The following USP40 variants were observed in gnomAD, a reference collection of about 807,000 sequenced individuals.
USP40 encodes the protein ubiquitin carboxyl-terminal hydrolase 40.
Under a neutral mutation model 166.2 loss-of-function variants are expected in USP40, and 143 were observed. That is an observed-to-expected ratio of 0.86 (90% CI 0.75 to 0.99). USP40 has a LOEUF of 0.99. USP40 is among the 50% of genes least tolerant of loss of function. USP40 has a pLI of 0.00. For synonymous variants in USP40, 498 were observed against 524.0 expected (o/e 0.95, Z 0.68); for missense variants, 1,444 against 1,479.7 (o/e 0.98, Z 0.40).
At chr2:233,552,982 T>C (rs962006809) in intron 6 of USP40, among the ~76,000 whole-genome samples, 19 of 152,164 alleles carry the variant, frequency 1.2e-4, no homozygotes, top group African/African-American at 4.3e-4. Flanking sequence ...ATGATGTTTA[T>C]GAAAAGCTCA....
intron 8 of USP40, among the ~76,000 whole-genome samples, chr2:233,543,923 C>G (rs1559272833): frequency 6.6e-6 from 1 of 152,188 alleles, no homozygotes; most frequent in Non-Finnish European, 1.5e-5. Flanking sequence ...AGTCGAGGGA[C>G]TGGTCTTTCA....
In USP40 at chr2:233,476,939, G is replaced by A. The variant is rs13408490; in HGVS notation, c.*453C>T. ...TTCTGCTCAGCACCAGCGCGGTGGC[G>A]CAGTGGCCTGAGACACTGTGAGAAG... On this transcript the variant is annotated 3_prime_UTR_variant, in exon 32 of 32. Transcript: ENST00000678225. 6,371 of 269,880 alleles carry A rather than the reference G, an allele frequency of 0.024. 127 individuals carry two copies. Among genetic ancestry groups the A allele is most frequent in the Middle Eastern group, 0.044 (32 of 728 alleles). 16.7% of individuals were successfully genotyped at this position (269,880 alleles called of 1,614,324 possible).
intron 1 of USP40, 167 bp from the exon 2 acceptor site, chr2:233,565,740 C>T (rs1184061720): frequency 2.7e-5 from 17 of 620,666 alleles, no homozygotes; most frequent in Non-Finnish European, 4.1e-5. Flanking sequence ...TTTTTTTCAT[C>T]CCTATCAGGA....
intron 21 of USP40, among the ~76,000 whole-genome samples, chr2:233,503,971 G>C (rs2066246927): frequency 6.6e-6 from 1 of 152,090 alleles, no homozygotes; most frequent in Non-Finnish European, 1.5e-5. Flanking sequence ...ACTATTAGTG[G>C]CTAAGGACAC....
intron 21 of USP40, among the ~76,000 whole-genome samples, chr2:233,509,291 C>T (rs1187516042): frequency 1.3e-5 from 2 of 151,966 alleles, no homozygotes; most frequent in African/African-American, 4.8e-5. Flanking sequence ...CTCTGTTTTC[C>T]AATACTAAAG....
rs1379266337 is a variant in USP40, at chr2:233,529,629, G to C, written c.1472-117C>G. On this transcript the variant is annotated intron_variant, in intron 11 of 31. Transcript: ENST00000678225. The stretch of plus-strand genomic sequence containing the variant: ...GAGCTAGGAAAGCTGCTACTAATTA[G>C]CTGTGTGAATACGAATTTTCTCAGG... 9 of 594,604 alleles carry C rather than the reference G, an allele frequency of 1.5e-5. No individual in the cohort carries two copies. In the Admixed American group the frequency reaches 3.1e-4, roughly 21 times the overall value. The allele number at this position is 594,604 out of a possible 1,614,324, so 36.8% of individuals were successfully genotyped here. A position where few individuals can be genotyped will look rare whatever the true frequency, so the allele number is the denominator to read the frequency against.
At chr2:233,495,288 A>G (rs1196601761) in intron 24 of USP40, among the ~76,000 whole-genome samples, 3 of 151,880 alleles carry the variant, frequency 2.0e-5, no homozygotes. Flanking sequence ...TATATATGCT[A>G]TGTATATACA....
Position 233,493,953 on chromosome 2 carries a change from A to G in USP40, c.2791-402T>C, listed in dbSNP as rs2065503401. The stretch of plus-strand genomic sequence containing the variant: ...CCCATTGATCTAATGGGTTTCTGAT[A>G]CAAACTAAAGGAAATAAACCCATTG... On this transcript the variant is annotated intron_variant, in intron 24 of 31. Coordinates refer to ENST00000678225, the MANE Select transcript of USP40 (RefSeq NM_001365479.2). This position sits in a 1 kb window ranked among gnomAD's most constrained non-coding sequence, Gnocchi z 4.7. 1.3e-5 allele frequency among the ~76,000 whole-genome samples: 2 copies of G among 152,330 alleles called. No individual in the cohort carries two copies. The highest frequency in any genetic ancestry group is 3.4e-3 in the Middle Eastern group (1 of 294).
chr2:233,489,654 A>C (rs886951230), intron 26 of USP40, 171 bp from the exon 27 acceptor site: 2 of 611,412 alleles, frequency 3.3e-6, no homozygotes, highest in Non-Finnish European at 5.7e-6. Flanking sequence ...CTCTTAAATA[A>C]CACTAACCCT....
At chr2:233,502,185 T>C (rs142992545) in intron 21 of USP40, among the ~76,000 whole-genome samples, 113 of 152,258 alleles carry the variant, frequency 7.4e-4, no homozygotes, top group Admixed American at 5.5e-3. Context: ...GAAAGGAAGA[T>C]ACATCACTTT....
At chr2:233,557,759 G>A (rs1436068331) in intron 4 of USP40, among the ~76,000 whole-genome samples, 1 of 152,080 alleles carries the variant, frequency 6.6e-6, no homozygotes, top group Non-Finnish European at 1.5e-5. Context: ...CTTGGCACAG[G>A]GATGTCACTG....
chr2:233,481,288 T>C lies in USP40; in HGVS notation c.3514A>G (p.Ile1172Val), dbSNP rs776418664. 2.5e-6 allele frequency: 4 copies of C among 1,598,896 alleles called. No homozygotes were observed. In the South Asian group the frequency reaches 3.4e-5, roughly 14 times the overall value. ...GTACTGAAATCATCATCGTCGTCAA[T>C]CAGGAGATTCTACATTTCAAAAGAA... The part of the protein sequence containing the change: ...GDTIGVKNLL[I>V]DDDDDFSTIR... Residue 1172 changes from isoleucine to valine, a missense_variant, in exon 31 of 32, where the codon ATT becomes GTT. Physicochemically the swap from Ile to Val is conservative, Grantham distance 29. Transcript: ENST00000678225.
intron 6 of USP40, among the ~76,000 whole-genome samples, chr2:233,553,812 G>T (rs1426232728): frequency 6.8e-6 from 1 of 147,672 alleles, no homozygotes; most frequent in African/African-American, 2.4e-5. Context: ...CTCTCACATG[G>T]CAAAAGATAT....
intron 18 of USP40, among the ~76,000 whole-genome samples, chr2:233,513,980 T>C (rs2067005302): frequency 6.6e-6 from 1 of 152,202 alleles, no homozygotes; most frequent in Non-Finnish European, 1.5e-5. Flanking sequence ...TGTATTACAG[T>C]AATATGAGGC....
rs914123204 is a variant in USP40 at position 233,486,409 on chromosome 2, G to T, written c.3198-432C>A. ...TGTAAATGTGAGCTGCCATGAGGTA[G>T]CCAGGGAGAAGAACCTGAGGGTTGG... On this transcript the variant is annotated intron_variant, in intron 28 of 31. Coordinates refer to ENST00000678225, the MANE Select transcript of USP40 (RefSeq NM_001365479.2). This position sits in a 1 kb window ranked among gnomAD's most constrained non-coding sequence, Gnocchi z 4.0. Among the ~76,000 whole-genome samples the T allele has an allele frequency of 2.0e-5, 3 of 152,164 alleles. No individual in the cohort carries two copies. The highest frequency in any genetic ancestry group is 4.4e-5 in the Non-Finnish European group (3 of 68,022).
At chr2:233,495,406 G>GT (rs576149159) in intron 24 of USP40, among the ~76,000 whole-genome samples, 3,394 of 144,626 alleles carry the variant, frequency 0.023, 62 homozygotes, top group Admixed American at 0.059. Flanking sequence ...CTCTCTTCTT[G>GT]TTTTTTTTTT....
intron 21 of USP40, among the ~76,000 whole-genome samples, chr2:233,501,287 GA>G (rs2066058212): frequency 6.6e-6 from 1 of 152,194 alleles, no homozygotes; most frequent in South Asian, 2.1e-4. Context: ...CAGTGAGTAA[GA>G]GGGGGAAATG....
chr2:233,559,328 T>G (rs2071372708), intron 4 of USP40, among the ~76,000 whole-genome samples: 1 of 152,226 alleles, frequency 6.6e-6, no homozygotes, highest in South Asian at 2.1e-4. Context: ...CATTTCACTT[T>G]TTTGACTGAA....
intron 18 of USP40, among the ~76,000 whole-genome samples, chr2:233,516,204 A>G (rs2067181849): frequency 6.6e-6 from 1 of 152,188 alleles, no homozygotes; most frequent in Admixed American, 6.5e-5. Context: ...CACTGTCTAG[A>G]GTAAGCCTTG....
Sources: gnomAD v4.1 joint callset for allele counts (sites outside exome capture counted in the v4.1 genomes callset) on GRCh38, gnomAD v4.1.1 for gene constraint, Gnocchi (gnomAD v3.1) non-coding constraint, MANE v1.5 for transcripts, NCBI Gene and HGNC (gene_info 2026-07-23, HGNC 2026-07-21) for gene names.